HDAC9: variants seen among roughly 807,000 people sequenced by gnomAD.
The protein encoded by HDAC9 is histone deacetylase 9.
A neutral mutation model predicts 139.4 loss-of-function variants in HDAC9; 41 were observed. The ratio of observed to expected loss-of-function variants is 0.29; its 90% CI spans 0.23 to 0.38. HDAC9 has a LOEUF of 0.38. Among genes scored for constraint, HDAC9 ranks in the 10% least tolerant of loss-of-function variants. The pLI, the probability that HDAC9 is intolerant of heterozygous loss-of-function variation, is 1.00. For missense variants in HDAC9, 1,147 were observed against 1,297.0 expected (o/e 0.88, Z 1.78); for synonymous variants, 517 against 476.2 (o/e 1.09, Z -1.12).
chr7:18,199,853 C>A (rs535856082), intron 2 of HDAC9, among the ~76,000 whole-genome samples: 1 of 151,814 alleles, frequency 6.6e-6, no homozygotes, highest in South Asian at 2.1e-4. Context: ...TTGCTGGAGC[C>A]CAGGAATTTG....
At chr7:18,163,029 T>C (rs1027886463) in intron 2 of HDAC9, among the ~76,000 whole-genome samples, 5 of 152,194 alleles carry the variant, frequency 3.3e-5, no homozygotes, top group Admixed American at 1.3e-4. Context: ...TACAAGAATT[T>C]TCTGCTTGGA....
intron 1 of HDAC9, among the ~76,000 whole-genome samples, chr7:18,315,390 T>C (rs633383): frequency 0.68 from 103,365 of 151,940 alleles, 35,911 homozygotes; most frequent in South Asian, 0.81. Flanking sequence ...CTGCTCAAGG[T>C]CACAGAGCTC....
intron 22 of HDAC9, among the ~76,000 whole-genome samples, chr7:18,934,343 A>G (rs1781473762): frequency 6.6e-6 from 1 of 152,090 alleles, no homozygotes; most frequent in Non-Finnish European, 1.5e-5. Flanking sequence ...AGGAATGGAA[A>G]AGTACAGATT....
intron 22 of HDAC9, among the ~76,000 whole-genome samples, chr7:18,883,330 G>C (rs777480525): frequency 1.3e-5 from 2 of 151,972 alleles, no homozygotes; most frequent in African/African-American, 4.8e-5. Context: ...ACATTAAAAG[G>C]TTCATTCACC....
chr7:18,340,407 C>T (rs1043633395), intron 1 of HDAC9, among the ~76,000 whole-genome samples: 1 of 151,528 alleles, frequency 6.6e-6, no homozygotes, highest in African/African-American at 2.4e-5. Context: ...TTTTGCTACT[C>T]ATTTCCTACT....
chr7:18,183,092 C>T (rs948277070), intron 2 of HDAC9, among the ~76,000 whole-genome samples: 2 of 151,642 alleles, frequency 1.3e-5, no homozygotes, highest in African/African-American at 2.4e-5. Context: ...TCACTGCAAG[C>T]TCCGCCTCCT....
intron 1 of HDAC9, among the ~76,000 whole-genome samples, chr7:18,378,496 G>T (rs891323472): frequency 6.6e-6 from 1 of 151,884 alleles, no homozygotes; most frequent in East Asian, 1.9e-4. Context: ...TCTGAGAATG[G>T]ATTAAATTCA....
chr7:18,156,880 T>G (rs1427997438), intron 1 of HDAC9, among the ~76,000 whole-genome samples: 1 of 152,130 alleles, frequency 6.6e-6, no homozygotes, highest in Non-Finnish European at 1.5e-5. Context: ...ATCCCAGCAC[T>G]TTGTGAGGCT....
At chr7:18,842,554 C>T (rs970122232) in intron 21 of HDAC9, among the ~76,000 whole-genome samples, 3 of 151,868 alleles carry the variant, frequency 2.0e-5, no homozygotes, top group Admixed American at 6.6e-5. Context: ...CTCTATTTTC[C>T]GTATGTTGAG....
intron 12 of HDAC9, among the ~76,000 whole-genome samples, chr7:18,700,065 A>T (rs77572099): frequency 0.013 from 1,912 of 152,202 alleles, 47 homozygotes; most frequent in African/African-American, 0.044. Context: ...AGTCTCATAG[A>T]TGATGGTTAT....
intron 22 of HDAC9, among the ~76,000 whole-genome samples, chr7:18,876,002 T>A (rs552188328): frequency 5.3e-5 from 8 of 152,318 alleles, no homozygotes; most frequent in Non-Finnish European, 1.2e-4. Context: ...CTATGTTTAG[T>A]CTTTCTCCTT....
At chr7:18,862,642 C>T (rs1798197905) in intron 21 of HDAC9, among the ~76,000 whole-genome samples, 2 of 152,130 alleles carry the variant, frequency 1.3e-5, no homozygotes, top group South Asian at 4.1e-4. Context: ...TGTTCCAATG[C>T]TCATCAGAGG....
chr7:18,255,603 G>GAGT (rs1297553762), intron 2 of HDAC9, among the ~76,000 whole-genome samples: 1 of 149,642 alleles, frequency 6.7e-6, no homozygotes, highest in African/African-American at 2.5e-5. Context: ...TGACATTGAT[G>GAGT]AGTTTTCTTT....
intron 1 of HDAC9, among the ~76,000 whole-genome samples, chr7:18,392,358 A>G (rs1554402253): frequency 7.1e-6 from 1 of 141,080 alleles, no homozygotes; most frequent in African/African-American, 2.7e-5. Context: ...CACACTGTCT[A>G]TATCTAATCT....
chr7:18,239,653 A>G (rs890949466), intron 2 of HDAC9, among the ~76,000 whole-genome samples: 1 of 152,194 alleles, frequency 6.6e-6, no homozygotes, highest in African/African-American at 2.4e-5. Context: ...AACATTTCAG[A>G]TGACATGAAA....
chr7:18,915,437 A>G (rs141382188), intron 22 of HDAC9, among the ~76,000 whole-genome samples: 57 of 152,080 alleles, frequency 3.7e-4, no homozygotes, highest in Non-Finnish European at 7.4e-4. Context: ...AGTTGAATAA[A>G]ATAAAAGTAG....
intron 16 of HDAC9, among the ~76,000 whole-genome samples, chr7:18,786,652 TCTTTCCTC>T (rs1791820312): frequency 9.2e-6 from 1 of 108,842 alleles, no homozygotes; most frequent in Non-Finnish European, 2.0e-5. Flanking sequence ...CTTCCCTCCT[TCTTTCCTC>T]CCTTCCTCCC....
At chr7:18,118,795 A>C (rs1784180183) in intron 1 of HDAC9, among the ~76,000 whole-genome samples, 1 of 152,192 alleles carries the variant, frequency 6.6e-6, no homozygotes, top group African/African-American at 2.4e-5. Context: ...CTACAGTGAC[A>C]TGGATTAATT....
intron 21 of HDAC9, among the ~76,000 whole-genome samples, chr7:18,862,379 C>T (rs1396992150): frequency 6.6e-6 from 1 of 151,982 alleles, no homozygotes; most frequent in East Asian, 1.9e-4. Context: ...TAAATGAATC[C>T]CCCCAGTCTC....
Sources: gnomAD v4.1 joint callset for allele counts (sites outside exome capture counted in the v4.1 genomes callset) on GRCh38, gnomAD v4.1.1 for gene constraint, MANE v1.5 for transcripts, NCBI Gene and HGNC (gene_info 2026-07-23, HGNC 2026-07-21) for gene names.